The following ZNF804B variants were observed in gnomAD, a reference collection of about 807,000 sequenced individuals.
ZNF804B encodes the protein zinc finger protein 804B, also known as zinc finger 804B.
ZNF804B carries 80 observed loss-of-function variants against 101.4 expected under a neutral mutation model. The ratio of observed to expected loss-of-function variants is 0.79; its 90% confidence interval spans 0.66 to 0.95. ZNF804B has a LOEUF of 0.95. ZNF804B is among the 40% of genes least tolerant of loss of function. The pLI, the probability that ZNF804B is intolerant of heterozygous loss-of-function variation, is 0.00. For synonymous variants in ZNF804B, 622 were observed against 558.8 expected, an observed-to-expected ratio of 1.11 and a Z score of -1.59; for missense variants, 1,673 against 1,561.9, an observed-to-expected ratio of 1.07 and a Z score of -1.20.
At chr7:89,002,223 T>TG in intron 1 of ZNF804B, among the ~76,000 whole-genome samples, 1 of 151,956 alleles carries the variant, frequency 6.6e-6, no homozygotes, top group South Asian at 2.1e-4. Context: ...ATGAAAGATT[T>TG]GTGAGTACAA....
intron 1 of ZNF804B, among the ~76,000 whole-genome samples, chr7:89,007,446 TTATATATATATATATATATA>T (rs61374091): frequency 3.0e-4 from 17 of 57,202 alleles, no homozygotes; most frequent in South Asian, 7.0e-4. Context: ...ATCCATGATT[TTATATATATATATATATATA>T]TATATATATA....
At chr7:89,009,800 G>C (rs1288944078) in intron 1 of ZNF804B, among the ~76,000 whole-genome samples, 3 of 152,158 alleles carry the variant, frequency 2.0e-5, no homozygotes, top group Admixed American at 6.6e-5. Flanking sequence ...ACTGTGAACT[G>C]TGAGAAATAA....
At chr7:88,955,502 T>TA (rs1450496831) in intron 1 of ZNF804B, among the ~76,000 whole-genome samples, 2 of 151,752 alleles carry the variant, frequency 1.3e-5, no homozygotes, top group Non-Finnish European at 2.9e-5. Flanking sequence ...AACTTTTCTG[T>TA]AATCCAAATC....
At chr7:89,104,244 T>C (rs889712589) in intron 1 of ZNF804B, among the ~76,000 whole-genome samples, 1 of 152,068 alleles carries the variant, frequency 6.6e-6, no homozygotes, top group African/African-American at 2.4e-5. Context: ...TATACTGGAT[T>C]CATAGAATGA....
intron 1 of ZNF804B, among the ~76,000 whole-genome samples, chr7:89,199,990 TA>T (rs1584049410): frequency 6.7e-6 from 1 of 149,784 alleles, no homozygotes; most frequent in African/African-American, 2.4e-5. Context: ...TATACATATA[TA>T]TATTTAAAAA....
At chr7:89,271,695 G>T (rs1373263625) in intron 2 of ZNF804B, among the ~76,000 whole-genome samples, 1 of 152,080 alleles carries the variant, frequency 6.6e-6, no homozygotes, top group Non-Finnish European at 1.5e-5. Flanking sequence ...AATCCGTCTG[G>T]TCCTGGACTT....
At chr7:89,195,019 G>T (rs1405891958) in intron 1 of ZNF804B, among the ~76,000 whole-genome samples, 2 of 151,792 alleles carry the variant, frequency 1.3e-5, no homozygotes, top group Admixed American at 1.3e-4. Flanking sequence ...TCCCTGGGAT[G>T]CAAGGCTGGT....
chr7:88,809,345 AT>A (rs1271078926), intron 1 of ZNF804B, among the ~76,000 whole-genome samples: 115 of 147,572 alleles, frequency 7.8e-4, no homozygotes, highest in African/African-American at 7.9e-4. Context: ...CTATCTATCT[AT>A]CTATCTATCT....
At chr7:88,826,961 C>T (rs554222687) in intron 1 of ZNF804B, among the ~76,000 whole-genome samples, 1 of 151,904 alleles carries the variant, frequency 6.6e-6, no homozygotes, top group Non-Finnish European at 1.5e-5. Flanking sequence ...AACAGTTGTC[C>T]CCATTATTCC....
chr7:88,792,584 A>G (rs1790397459), intron 1 of ZNF804B, among the ~76,000 whole-genome samples: 1 of 152,018 alleles, frequency 6.6e-6, no homozygotes, highest in Non-Finnish European at 1.5e-5. Flanking sequence ...CTGGGAAAAT[A>G]TTTACTTACG....
chr7:88,928,992 C>T (rs1317536099), intron 1 of ZNF804B, among the ~76,000 whole-genome samples: 1 of 151,738 alleles, frequency 6.6e-6, no homozygotes, highest in Admixed American at 6.6e-5. Flanking sequence ...AGAATATAAC[C>T]AAAGGAAAAA....
rs1789645936 is a variant in ZNF804B at position 89,078,571 on chromosome 7, A to G, written c.109-139584A>G. 2.6e-5 allele frequency among the ~76,000 whole-genome samples: 4 copies of G among 152,020 alleles called. No homozygotes were observed. The South Asian group carries it at 8.3e-4, about 32-fold the overall frequency. On this transcript the variant is annotated intron_variant, in intron 1 of 3. Transcript: ENST00000333190. ...TTACCTAAATATTTTGCAATCAGATAAATAAAATGATAAAATGAGATGTTA... is the reference window on the plus strand; with the variant it reads ...TTACCTAAATATTTTGCAATCAGATGAATAAAATGATAAAATGAGATGTTA...
chr7:89,102,838 TC>T (rs746034176), intron 1 of ZNF804B, among the ~76,000 whole-genome samples: 2 of 151,872 alleles, frequency 1.3e-5, no homozygotes, highest in Non-Finnish European at 2.9e-5. Flanking sequence ...GTTTAATCCA[TC>T]TTGAATTAAT....
At chr7:89,081,993 A>G (rs982986648) in intron 1 of ZNF804B, among the ~76,000 whole-genome samples, 1 of 151,670 alleles carries the variant, frequency 6.6e-6, no homozygotes, top group Admixed American at 6.6e-5. Flanking sequence ...ACCCATTCTC[A>G]TAATTATTTT....
At chr7:88,794,936 A>C (rs1289321886) in intron 1 of ZNF804B, 1 of 1,568,230 alleles carries the variant, frequency 6.4e-7, no homozygotes, top group Admixed American at 2.1e-5. Flanking sequence ...TGGACCGAAA[A>C]GGACATGAGG....
chr7:89,262,069 C>T (rs1197373182), intron 2 of ZNF804B, among the ~76,000 whole-genome samples: 1 of 152,158 alleles, frequency 6.6e-6, no homozygotes, highest in Admixed American at 6.6e-5. Context: ...AAAGAGGGAG[C>T]TTTAGAAAGT....
intron 2 of ZNF804B, among the ~76,000 whole-genome samples, chr7:89,257,948 C>T (rs947342994): frequency 3.9e-5 from 6 of 151,980 alleles, no homozygotes; most frequent in East Asian, 3.9e-4. Context: ...ATATTGATAT[C>T]TCATAAAGTC....
chr7:89,310,854 A>G (rs1370698212), intron 2 of ZNF804B, among the ~76,000 whole-genome samples: 1 of 152,250 alleles, frequency 6.6e-6, no homozygotes, highest in African/African-American at 2.4e-5. Context: ...AAGGAGCTGC[A>G]CAGCAGGGAA....
chr7:89,318,191 A>G (rs575220352), intron 2 of ZNF804B, among the ~76,000 whole-genome samples: 2 of 152,290 alleles, frequency 1.3e-5, no homozygotes, highest in African/African-American at 4.8e-5. Context: ...CGGTGAACCT[A>G]CATTCTAGCA....
Sources: allele counts gnomAD v4.1 joint callset (sites outside exome capture counted in the v4.1 genomes callset), GRCh38; gene constraint gnomAD v4.1.1; transcripts MANE v1.5; gene names NCBI Gene and HGNC (gene_info 2026-07-23, HGNC 2026-07-21).